The following BCAS3 variants were observed in gnomAD, a reference collection of about 807,000 sequenced individuals.
BCAS3 encodes BCAS4/BCAS3 fusion.
BCAS3 carries 53 observed loss-of-function variants against 116.1 expected under a neutral mutation model. That is an observed-to-expected ratio of 0.46 (90% CI 0.37 to 0.57). The LOEUF (loss-of-function observed/expected upper bound fraction) is 0.57, where lower values mean the gene tolerates loss of function less well. Ranked by LOEUF, BCAS3 falls within the 20% of genes least tolerant of loss-of-function variation. The pLI is 0.00. For missense variants in BCAS3, 917 were observed against 1,165.4 expected (o/e 0.79, Z 3.10); for synonymous variants, 391 against 408.2 (o/e 0.96, Z 0.51).
In BCAS3 at chr17:61,077,915, G is replaced by A. The variant is rs529549672; in HGVS notation, c.2131-418G>A. On this transcript the variant is annotated intron_variant, in intron 20 of 23. Coordinates refer to ENST00000407086, the MANE Select transcript of BCAS3 (RefSeq NM_017679.5). The surrounding 1 kb of genome is among the most constrained non-coding windows in gnomAD (Gnocchi z 4.3). ...AGTGAAGGAATTGCTTTTAATCTGT[G>A]GATTAATAGGTGTAGTATTCAGTGC... Among the ~76,000 whole-genome samples, 3 of 152,244 alleles carry A rather than the reference G, an allele frequency of 2.0e-5. No individual in the cohort carries two copies. In the South Asian group the frequency reaches 6.2e-4, roughly 32 times the overall value.
intron 22 of BCAS3, among the ~76,000 whole-genome samples, chr17:61,121,606 A>G (rs2143810518): frequency 6.6e-6 from 1 of 152,378 alleles, no homozygotes; most frequent in Non-Finnish European, 1.5e-5. Flanking sequence ...GAAACAGATC[A>G]AATTGTAAAT....
At chr17:61,147,985 T>TA (rs1555743169) in intron 22 of BCAS3, among the ~76,000 whole-genome samples, 8 of 17,318 alleles carry the variant, frequency 4.6e-4, no homozygotes. Context: ...AAACTCTGTC[T>TA]CAGAAAAAAA....
chr17:60,816,274 C>T (rs9303426), intron 7 of BCAS3, among the ~76,000 whole-genome samples: 39,768 of 146,600 alleles, frequency 0.27, 10,740 homozygotes, highest in African/African-American at 0.71. Context: ...CTTTCTTTTT[C>T]TTTTCTTTTT....
At chr17:60,943,596 G>T (rs1414014797) in intron 13 of BCAS3, among the ~76,000 whole-genome samples, 2 of 152,164 alleles carry the variant, frequency 1.3e-5, no homozygotes, top group East Asian at 3.9e-4. Context: ...AACTACACAT[G>T]TCCACAATTA....
At chr17:61,232,170 A>C (rs1394104644) in intron 22 of BCAS3, among the ~76,000 whole-genome samples, 1 of 134,504 alleles carries the variant, frequency 7.4e-6, no homozygotes, top group Non-Finnish European at 1.5e-5. Flanking sequence ...ACACCACTGC[A>C]CTCCAGCCTG....
Position 61,171,094 on chromosome 17 carries a change from C to T in BCAS3, c.2425+86530C>T, listed in dbSNP as rs560355476. Among the ~76,000 whole-genome samples the T allele has an allele frequency of 6.6e-6, 1 of 152,048 alleles. No individual in the cohort carries two copies. The highest frequency in any genetic ancestry group is 2.1e-4 in the South Asian group (1 of 4,822). ...ATTTCCTCTAAATTCCTGTAGCCTTCCTTGCTTAAAAAAAAGCAAGACCCA... is the reference window on the plus strand; with the variant it reads ...ATTTCCTCTAAATTCCTGTAGCCTTTCTTGCTTAAAAAAAAGCAAGACCCA... On this transcript the variant is annotated intron_variant, in intron 22 of 23. Transcript: ENST00000407086. The surrounding 1 kb of genome is among the most constrained non-coding windows in gnomAD (Gnocchi z 4.1).
In BCAS3 at chr17:61,256,684, T is replaced by G. The variant is rs1218125952; in HGVS notation, c.2426-111643T>G. Among the ~76,000 whole-genome samples, 2 of 152,116 alleles carry G rather than the reference T, an allele frequency of 1.3e-5. No homozygotes were observed. The highest frequency in any genetic ancestry group is 2.9e-5 in the Non-Finnish European group (2 of 68,024). On this transcript the variant is annotated intron_variant, in intron 22 of 23. Coordinates refer to ENST00000407086, the MANE Select transcript of BCAS3 (RefSeq NM_017679.5). This position sits in a 1 kb window ranked among gnomAD's most constrained non-coding sequence, Gnocchi z 5.6. ...GCCCACTTCCTGCCTTTGAAACCAG[T>G]GAATTGTGTCACCAGAGAGCCTTGG... is the stretch of plus-strand genomic sequence containing the variant.
intron 14 of BCAS3, among the ~76,000 whole-genome samples, chr17:60,971,203 A>G (rs1273720629): frequency 6.6e-6 from 1 of 152,186 alleles, no homozygotes; most frequent in Non-Finnish European, 1.5e-5. Flanking sequence ...GTAGTCTGCG[A>G]GTGTTTAGTC....
chr17:61,104,983 C>G lies in BCAS3; in HGVS notation c.2425+20419C>G, dbSNP rs564860359. On this transcript the variant is annotated intron_variant, in intron 22 of 23. Transcript: ENST00000407086. This position sits in a 1 kb window ranked among gnomAD's most constrained non-coding sequence, Gnocchi z 4.1. Reference sequence around the variant, plus strand: ...TAGGAAAACTCATGAGGCTTTTTCTCATCACAAGCTGTGTAATACATACTT... The same window carrying G: ...TAGGAAAACTCATGAGGCTTTTTCTGATCACAAGCTGTGTAATACATACTT... Among the ~76,000 whole-genome samples the G allele has an allele frequency of 6.6e-6, 1 of 152,314 alleles. No individual in the cohort carries two copies. The highest frequency in any genetic ancestry group is 1.9e-4 in the East Asian group (1 of 5,182).
At chr17:61,263,226 G>A (rs1362970214) in intron 22 of BCAS3, among the ~76,000 whole-genome samples, 1 of 152,200 alleles carries the variant, frequency 6.6e-6, no homozygotes, top group Non-Finnish European at 1.5e-5. Context: ...CCCTAAGCTA[G>A]CAAAAGCAAA....
intron 5 of BCAS3, among the ~76,000 whole-genome samples, chr17:60,724,895 A>C (rs1053932640): frequency 1.3e-5 from 2 of 151,626 alleles, no homozygotes; most frequent in Non-Finnish European, 2.9e-5. Flanking sequence ...TCTGTTGCCC[A>C]GGCTGGAGTG....
Position 61,188,645 on chromosome 17 carries a change from A to T in BCAS3, c.2425+104081A>T, listed in dbSNP as rs546000706. On this transcript the variant is annotated intron_variant, in intron 22 of 23. Transcript: ENST00000407086. The surrounding 1 kb of genome is among the most constrained non-coding windows in gnomAD (Gnocchi z 4.0). ...AGCATATAGAGTCCACTGTGGATGC[A>T]AGTACAAGCGAGGAGAGGTCCTTCA... Among the ~76,000 whole-genome samples, 1 of 152,252 alleles carries T rather than the reference A, an allele frequency of 6.6e-6. No individual in the cohort carries two copies. Among genetic ancestry groups the T allele is most frequent in the Admixed American group, 6.5e-5 (1 of 15,292 alleles).
At chr17:61,067,479 G>A (rs1330396672) in intron 19 of BCAS3, among the ~76,000 whole-genome samples, 1 of 149,936 alleles carries the variant, frequency 6.7e-6, no homozygotes, top group African/African-American at 2.4e-5. Flanking sequence ...AGCACTTTGG[G>A]AGGCTGAGGC....
intron 13 of BCAS3, among the ~76,000 whole-genome samples, chr17:60,927,225 A>C (rs9912159): frequency 0.031 from 4,278 of 137,108 alleles, 200 homozygotes; most frequent in African/African-American, 0.14. Context: ...TCTTTTATTT[A>C]TTTTTTTCTT....
chr17:60,852,062 A>G (rs1224981565), intron 7 of BCAS3, among the ~76,000 whole-genome samples: 5 of 152,238 alleles, frequency 3.3e-5, no homozygotes, highest in Admixed American at 2.6e-4. Context: ...AATACAAAGC[A>G]TATTAAATGG....
At chr17:60,959,212 T>C (rs974864122) in intron 14 of BCAS3, among the ~76,000 whole-genome samples, 2 of 151,790 alleles carry the variant, frequency 1.3e-5, no homozygotes, top group South Asian at 4.2e-4. Flanking sequence ...GAAGCTGAGG[T>C]GGAAGGATCG....
intron 22 of BCAS3, among the ~76,000 whole-genome samples, chr17:61,269,473 G>T (rs1260275084): frequency 6.6e-6 from 1 of 152,048 alleles, no homozygotes; most frequent in African/African-American, 2.4e-5. Flanking sequence ...GATTGTATAT[G>T]GTAATTCTAT....
chr17:60,694,252 C>G (rs2035280535), intron 4 of BCAS3, among the ~76,000 whole-genome samples: 1 of 149,144 alleles, frequency 6.7e-6, no homozygotes, highest in Non-Finnish European at 1.5e-5. Context: ...CTTGTAATCC[C>G]AACACTTTGG....
chr17:60,718,843 C>T (rs537006349), intron 5 of BCAS3, among the ~76,000 whole-genome samples: 8 of 152,168 alleles, frequency 5.3e-5, no homozygotes, highest in East Asian at 3.9e-4. Context: ...GGGCAGATCA[C>T]GAGGCCAGGA....
Sources: allele counts gnomAD v4.1 joint callset (sites outside exome capture counted in the v4.1 genomes callset), GRCh38; gene constraint gnomAD v4.1.1; non-coding constraint Gnocchi (gnomAD v3.1); transcripts MANE v1.5; gene names NCBI Gene and HGNC (gene_info 2026-07-23, HGNC 2026-07-21).